Variants in CYLC2 observed in about 807,000 individuals in gnomAD.
CYLC2 encodes the protein cylicin-2.
Under a neutral mutation model 26.1 loss-of-function variants are expected in CYLC2, and 30 were observed. The ratio of observed to expected loss-of-function variants is 1.15; its 90% CI spans 0.86 to 1.56. The LOEUF is 1.56. Ranked by LOEUF, CYLC2 falls within the 40% of genes most tolerant of loss-of-function variation. The probability of loss-of-function intolerance (pLI) is 0.00; values close to 1 mark genes in which losing one functional copy is unlikely to be tolerated. For synonymous variants in CYLC2, 158 were observed against 132.8 expected, an observed-to-expected ratio of 1.19 and a Z score of -1.31; for missense variants, 498 against 394.4, an observed-to-expected ratio of 1.26 and a Z score of -2.23.
intron 5 of CYLC2, among the ~76,000 whole-genome samples, chr9:103,009,865 T>G (rs747698353): frequency 6.6e-6 from 1 of 151,616 alleles, no homozygotes; most frequent in East Asian, 1.9e-4. Flanking sequence ...AACCAATTTA[T>G]ATATATCACA....
chr9:103,003,359 C>A, intron 3 of CYLC2, 96 bp downstream of exon 3: 5 of 1,091,504 alleles, frequency 4.6e-6, no homozygotes, highest in Middle Eastern at 2.4e-4. Flanking sequence ...CTTAAGTAAT[C>A]ACTAAGTAGT....
intron 6 of CYLC2, among the ~76,000 whole-genome samples, chr9:103,013,189 T>C (rs1372412027): frequency 7.6e-6 from 1 of 131,658 alleles, no homozygotes; most frequent in Non-Finnish European, 1.6e-5. Context: ...TAATATATTA[T>C]ATATAACATA....
chr9:103,012,855 TAGGC>T (rs1337053399), intron 6 of CYLC2, among the ~76,000 whole-genome samples: 1 of 151,416 alleles, frequency 6.6e-6, no homozygotes, highest in East Asian at 1.9e-4. Context: ...AGTTTTACGG[TAGGC>T]AAAATCAAAG....
intron 5 of CYLC2, among the ~76,000 whole-genome samples, chr9:103,008,203 G>A (rs1829371677): frequency 6.6e-6 from 1 of 152,030 alleles, no homozygotes; most frequent in African/African-American, 2.4e-5. Flanking sequence ...CAAAAGTCAG[G>A]TTTTAGATTG....
chr9:103,003,325 C>T, intron 3 of CYLC2, 62 bp downstream of exon 3: 2 of 1,394,986 alleles, frequency 1.4e-6, no homozygotes, highest in South Asian at 1.3e-5. Context: ...ATAATTATAA[C>T]CATAATAAGT....
At chr9:103,004,879 A>G (rs1372541332) in intron 4 of CYLC2, 28 bp downstream of exon 4, 1 of 1,591,158 alleles carries the variant, frequency 6.3e-7, no homozygotes, top group Admixed American at 1.9e-5. Context: ...TTTTTATAGT[A>G]TCTCTGTAAT....
chr9:103,005,352 GA>G lies in CYLC2; in HGVS notation c.725del (p.Lys242ArgfsTer114), dbSNP rs1455101417. 1 of 1,613,920 alleles carries G rather than the reference GA, an allele frequency of 6.2e-7. No individual in the cohort carries two copies. ...AGAATTACAAGCTGTAAAAGCAGATGAAAAGAAGGATGAGGATGGAAAAAAA... is the reference window on the plus strand; with the variant it reads ...AGAATTACAAGCTGTAAAAGCAGATGAAAGAAGGATGAGGATGGAAAAAAA... ...AIELQAVKAD[E>X]KKDEDGKKDA... On this transcript the variant is annotated frameshift_variant, in exon 5 of 8. Coordinates refer to ENST00000374798, the MANE Select transcript of CYLC2 (RefSeq NM_001340.5). LOFTEE classifies it low-confidence loss of function (END_TRUNC).
intron 1 of CYLC2, among the ~76,000 whole-genome samples, chr9:102,997,119 T>C (rs1008587911): frequency 1.3e-5 from 2 of 151,942 alleles, no homozygotes; most frequent in African/African-American, 2.4e-5. Flanking sequence ...GGGATTCACC[T>C]TGATGTAGAC....
At chr9:102,996,710 T>C (rs1013839197) in intron 1 of CYLC2, among the ~76,000 whole-genome samples, 9 of 152,046 alleles carry the variant, frequency 5.9e-5, no homozygotes, top group African/African-American at 2.2e-4. Flanking sequence ...GCCTTAGTTT[T>C]GGACTTAACA....
intron 1 of CYLC2, among the ~76,000 whole-genome samples, chr9:103,000,836 T>C (rs1829281417): frequency 6.6e-6 from 1 of 152,032 alleles, no homozygotes; most frequent in Admixed American, 6.6e-5. Context: ...AAATAATATT[T>C]CTCTAATAGA....
chr9:103,000,050 C>T (rs190008733), intron 1 of CYLC2, among the ~76,000 whole-genome samples: 4 of 151,798 alleles, frequency 2.6e-5, no homozygotes, highest in Non-Finnish European at 5.9e-5. Context: ...AGATGTAAAA[C>T]ATTGATTTTA....
chr9:103,010,209 A>C (rs576597456), intron 5 of CYLC2, among the ~76,000 whole-genome samples: 1 of 152,092 alleles, frequency 6.6e-6, no homozygotes, highest in Non-Finnish European at 1.5e-5. Flanking sequence ...TTATGTACCA[A>C]GTGAAAAGTT....
chr9:103,010,150 A>G (rs746412166), intron 5 of CYLC2, among the ~76,000 whole-genome samples: 13 of 151,948 alleles, frequency 8.6e-5, no homozygotes, highest in Non-Finnish European at 1.9e-4. Context: ...TTTTAAACAA[A>G]TAAGAATTTA....
intron 1 of CYLC2, among the ~76,000 whole-genome samples, chr9:102,999,042 G>A (rs1279993547): frequency 6.6e-6 from 1 of 151,784 alleles, no homozygotes; most frequent in East Asian, 1.9e-4. Flanking sequence ...GTTGCTTTTA[G>A]TTTGAGGTTA....
Position 103,012,690 on chromosome 9 carries a change from A to T in CYLC2, c.*816+593A>T, listed in dbSNP as rs138064753. 9.3e-3 allele frequency among the ~76,000 whole-genome samples: 1,417 copies of T among 152,124 alleles called. 24 individuals carry two copies. The highest frequency in any genetic ancestry group is 0.033 in the African/African-American group (1,361 of 41,534). On this transcript the variant is annotated intron_variant, in intron 6 of 7. Transcript: ENST00000374798. ...TTGAGTTTTCTTATCAGGCTGAACT[A>T]TTTGGCAAACATATAAACAGAAACG...
intron 1 of CYLC2, among the ~76,000 whole-genome samples, chr9:102,999,477 T>C (rs1473961251): frequency 2.6e-5 from 4 of 151,848 alleles, no homozygotes; most frequent in Non-Finnish European, 3.0e-5. Context: ...TTTATTGCTT[T>C]ATGAAACAAA....
intron 1 of CYLC2, among the ~76,000 whole-genome samples, chr9:102,997,160 T>A (rs1829246479): frequency 6.6e-6 from 1 of 151,928 alleles, no homozygotes; most frequent in South Asian, 2.1e-4. Context: ...ACCACTCACA[T>A]CGTAGTCTAG....
In CYLC2 at chr9:103,016,526, A is replaced by G. The variant is rs1829508318; in HGVS notation, c.*817-362A>G. 2.0e-5 allele frequency among the ~76,000 whole-genome samples: 3 copies of G among 152,010 alleles called. No homozygotes were observed. In the South Asian group the frequency reaches 6.2e-4, roughly 31 times the overall value. On this transcript the variant is annotated intron_variant, in intron 6 of 7. Coordinates refer to ENST00000374798, the MANE Select transcript of CYLC2 (RefSeq NM_001340.5). ...TCCCATCGGTGTTCTATTTTCTGCT[A>G]TTTACTACTACTAGGGCATTTTATA...
chr9:103,017,340 T>C (rs963229616), intron 7 of CYLC2, among the ~76,000 whole-genome samples: 12 of 152,058 alleles, frequency 7.9e-5, no homozygotes, highest in Admixed American at 5.9e-4. Context: ...AATTTTCCTA[T>C]TTAAACAAAG....
Sources: allele counts gnomAD v4.1 joint callset (sites outside exome capture counted in the v4.1 genomes callset), GRCh38; gene constraint gnomAD v4.1.1; transcripts MANE v1.5; gene names NCBI Gene and HGNC (gene_info 2026-07-23, HGNC 2026-07-21).